Variants in STARD3NL observed in about 807,000 individuals in gnomAD.
STARD3NL encodes STARD3 N-terminal-like protein.
Under a neutral mutation model 30.9 loss-of-function variants are expected in STARD3NL, and 17 were observed. The ratio of observed to expected loss-of-function variants is 0.55; its 90% CI spans 0.38 to 0.82. The LOEUF (loss-of-function observed/expected upper bound fraction) is 0.82, where lower values mean the gene tolerates loss of function less well. Among genes scored for constraint, STARD3NL ranks in the 40% least tolerant of loss-of-function variants. The pLI, the probability that STARD3NL is intolerant of heterozygous loss-of-function variation, is 0.00. For missense variants in STARD3NL, 234 were observed against 277.6 expected (o/e 0.84, Z 1.12); for synonymous variants, 112 against 100.5 (o/e 1.11, Z -0.69).
intron 7 of STARD3NL, among the ~76,000 whole-genome samples, chr7:38,224,624 A>G (rs1786653402): frequency 6.6e-6 from 1 of 152,192 alleles, no homozygotes; most frequent in Non-Finnish European, 1.5e-5. Context: ...GCAGATCCAC[A>G]CTGTATGCAC....
intron 6 of STARD3NL, among the ~76,000 whole-genome samples, chr7:38,217,676 G>C (rs544344035): frequency 1.3e-5 from 2 of 152,314 alleles, no homozygotes; most frequent in Middle Eastern, 6.8e-3. Flanking sequence ...AAACAGAACT[G>C]TGCTGTTTAG....
intron 2 of STARD3NL, among the ~76,000 whole-genome samples, chr7:38,211,829 C>T (rs963966798): frequency 3.3e-5 from 5 of 152,192 alleles, no homozygotes; most frequent in African/African-American, 9.6e-5. Context: ...CATGAAAACG[C>T]ATTTTGATTT....
At chr7:38,181,381 G>A (rs150885282) in intron 1 of STARD3NL, among the ~76,000 whole-genome samples, 41 of 152,178 alleles carry the variant, frequency 2.7e-4, no homozygotes, top group African/African-American at 8.0e-4. Context: ...TTAGTAATAT[G>A]TTATGTTTAA....
At chr7:38,185,117 A>G (rs112528579) in intron 1 of STARD3NL, among the ~76,000 whole-genome samples, 8 of 152,116 alleles carry the variant, frequency 5.3e-5, no homozygotes, top group South Asian at 2.1e-4. Context: ...GTGTGATTCT[A>G]TTTGCTAAAA....
chr7:38,214,286 A>G (rs1785975537), intron 2 of STARD3NL, 71 bp from the exon 3 acceptor site: 1 of 973,978 alleles, frequency 1.0e-6, no homozygotes, highest in East Asian at 2.5e-5. Flanking sequence ...AAAGTTGGAT[A>G]GGAAATCTTA....
chr7:38,217,286 A>G lies in STARD3NL; in HGVS notation c.534A>G (p.Gln178=). 1 of 1,613,986 alleles carries G rather than the reference A, an allele frequency of 6.2e-7. No homozygotes were observed. Among genetic ancestry groups the G allele is most frequent in the South Asian group, 1.1e-5 (1 of 91,082 alleles). Reference sequence around the variant, plus strand: ...TCCTGGATTTCAAAGTGTTACCTCAAGAAGCAGAAGAAGAAAACAGTAAGT... The same window carrying G: ...TCCTGGATTTCAAAGTGTTACCTCAGGAAGCAGAAGAAGAAAACAGTAAGT... ...TWFLDFKVLP[Q]EAEEENRLLI... Residue 178 remains glutamine (Q), a synonymous_variant, in exon 6 of 9, where the codon CAA becomes CAG. Coordinates refer to ENST00000009041, the MANE Select transcript of STARD3NL (RefSeq NM_032016.4).
chr7:38,193,337 C>G (rs931359722), intron 1 of STARD3NL, among the ~76,000 whole-genome samples: 1 of 151,896 alleles, frequency 6.6e-6, no homozygotes, highest in Non-Finnish European at 1.5e-5. Flanking sequence ...CTCGCTCTGT[C>G]GCTCAGGCTG....
chr7:38,178,825 G>A (rs1468405535), intron 1 of STARD3NL, among the ~76,000 whole-genome samples: 1 of 151,132 alleles, frequency 6.6e-6, no homozygotes, highest in East Asian at 2.0e-4. Flanking sequence ...AGACACAGGC[G>A]GTTGTGAGTC....
intron 1 of STARD3NL, among the ~76,000 whole-genome samples, chr7:38,206,934 ATTTTTCT>A (rs896456016): frequency 6.6e-6 from 1 of 151,976 alleles, no homozygotes; most frequent in Non-Finnish European, 1.5e-5. Context: ...TGCGCAGCTG[ATTTTTCT>A]TTTTTCTTTT....
intron 1 of STARD3NL, among the ~76,000 whole-genome samples, chr7:38,200,795 A>G (rs1785139765): frequency 6.6e-6 from 1 of 151,676 alleles, no homozygotes; most frequent in South Asian, 2.1e-4. Flanking sequence ...TTTTGGGGGG[A>G]TGGGGAGTAG....
At chr7:38,215,264 C>T (rs1330988704) in intron 4 of STARD3NL, 159 bp downstream of exon 4, 43 of 612,898 alleles carry the variant, frequency 7.0e-5, no homozygotes. Context: ...AGGTTTAATA[C>T]TCCAGGGCTT....
At position 38,178,371 on chromosome 7, in the gene STARD3NL, C is replaced by T. The variant is rs1055331212; in HGVS notation, c.-108C>T. ...TCAGGCCGGGGCGCGACCGCGGATCCGCAGTTCCCGGGCCAGCCTGGGGCG... is the reference window on the plus strand; with the variant it reads ...TCAGGCCGGGGCGCGACCGCGGATCTGCAGTTCCCGGGCCAGCCTGGGGCG... On this transcript the variant is annotated 5_prime_UTR_variant, in exon 1 of 9. Transcript: ENST00000009041. 1 of 152,188 alleles carries T rather than the reference C, an allele frequency of 6.6e-6. No homozygotes were observed. Among genetic ancestry groups the T allele is most frequent in the African/African-American group, 2.4e-5 (1 of 41,456 alleles). The allele number at this position is 152,188 out of a possible 1,614,324, so 9.4% of individuals were successfully genotyped here.
intron 1 of STARD3NL, among the ~76,000 whole-genome samples, chr7:38,183,403 C>T (rs745705978): frequency 6.6e-6 from 1 of 152,196 alleles, no homozygotes; most frequent in Non-Finnish European, 1.5e-5. Flanking sequence ...GTGGTACCTC[C>T]TCTAGTCCAT....
At chr7:38,219,541 A>G (rs373027438) in intron 6 of STARD3NL, 24 bp from the exon 7 acceptor site, 12 of 1,553,252 alleles carry the variant, frequency 7.7e-6, no homozygotes, top group Non-Finnish European at 8.8e-6. Flanking sequence ...CTCATTCCCA[A>G]CATCTGAATT....
At chr7:38,192,739 T>TA (rs1784737470) in intron 1 of STARD3NL, among the ~76,000 whole-genome samples, 1 of 152,176 alleles carries the variant, frequency 6.6e-6, no homozygotes, top group Admixed American at 6.5e-5. Context: ...AGTGCTTTTT[T>TA]AAAAAAATGA....
chr7:38,211,700 A>C (rs1021599838), intron 2 of STARD3NL, among the ~76,000 whole-genome samples: 1 of 152,214 alleles, frequency 6.6e-6, no homozygotes, highest in African/African-American at 2.4e-5. Context: ...CACAGTCTAC[A>C]TCACAGCCTC....
rs1344804782 is a variant in STARD3NL, at chr7:38,178,290, G to A, written c.-189G>A. 1.3e-5 allele frequency: 2 copies of A among 152,264 alleles called. No homozygotes were observed. The highest frequency in any genetic ancestry group is 3.9e-4 in the East Asian group (2 of 5,176). The allele number at this position is 152,264 out of a possible 1,614,324, so 9.4% of individuals were successfully genotyped here. On this transcript the variant is annotated 5_prime_UTR_variant, in exon 1 of 9. Transcript: ENST00000009041. ...CCGGGGCTGCTGGGTGCGGGCGGTGGGCTGCGCGTTGTCCGCTGGACTGGG... is the reference window on the plus strand; with the variant it reads ...CCGGGGCTGCTGGGTGCGGGCGGTGAGCTGCGCGTTGTCCGCTGGACTGGG...
Position 38,217,008 on chromosome 7 carries a change from G to T in STARD3NL, c.382-17G>T. ...GAGATGCCTAGTGTGAACAGTGCTG[G>T]ATTATGTGTCTTGCAGTTGACAACG... On this transcript the variant is annotated splice_polypyrimidine_tract_variant and intron_variant, in intron 4 of 8. Coordinates refer to ENST00000009041, the MANE Select transcript of STARD3NL (RefSeq NM_032016.4). The T allele has an allele frequency of 6.2e-7, 1 of 1,613,940 alleles. No homozygotes were observed. The highest frequency in any genetic ancestry group is 8.5e-7 in the Non-Finnish European group (1 of 1,179,906).
At chr7:38,197,728 T>C (rs1784990772) in intron 1 of STARD3NL, among the ~76,000 whole-genome samples, 1 of 152,250 alleles carries the variant, frequency 6.6e-6, no homozygotes, top group Admixed American at 6.5e-5. Flanking sequence ...GCTGTCTTGC[T>C]GTGTTTTAGT....
Sources: allele counts gnomAD v4.1 joint callset (sites outside exome capture counted in the v4.1 genomes callset), GRCh38; gene constraint gnomAD v4.1.1; transcripts MANE v1.5; gene names NCBI Gene and HGNC (gene_info 2026-07-23, HGNC 2026-07-21).